Variants in ZDHHC13 observed in about 807,000 individuals in gnomAD.
ZDHHC13 encodes the protein zDHHC palmitoyltransferase 13.
In ZDHHC13, 85 loss-of-function variants were observed where a neutral mutation model predicts 86.0. The observed-to-expected ratio is 0.99, with a 90% confidence interval of 0.83 to 1.18. The LOEUF is 1.18. ZDHHC13 is among the 50% of genes most tolerant of loss of function. The pLI, the probability that ZDHHC13 is intolerant of heterozygous loss-of-function variation, is 0.00. For synonymous variants in ZDHHC13, 263 were observed against 246.4 expected (o/e 1.07, Z -0.63); for missense variants, 711 against 730.2 (o/e 0.97, Z 0.30).
rs555820231 is a variant in ZDHHC13 at position 19,117,780 on chromosome 11, G to A, written c.27+504G>A. 2.0e-5 allele frequency: 3 copies of A among 153,792 alleles called. No homozygotes were observed. The highest frequency in any genetic ancestry group is 7.2e-5 in the African/African-American group (3 of 41,634). 9.5% of individuals were successfully genotyped at this position (153,792 alleles called of 1,614,324 possible). A position where few individuals can be genotyped will look rare whatever the true frequency, so the allele number is the denominator to read the frequency against. On this transcript the variant is annotated intron_variant, in intron 1 of 16. Transcript: ENST00000446113. The surrounding 1 kb of genome is among the most constrained non-coding windows in gnomAD (Gnocchi z 4.2). ...CTTGCTTACTCCTTGAAATAATTAA[G>A]GCTGCTTGTTTAGGATGGAGGAAAG...
At chr11:19,132,584 C>T (rs1437113217) in intron 1 of ZDHHC13, among the ~76,000 whole-genome samples, 2 of 152,106 alleles carry the variant, frequency 1.3e-5, no homozygotes, top group African/African-American at 2.4e-5. Context: ...CTGGTTGGCT[C>T]ACTTCTCTCT....
intron 1 of ZDHHC13, among the ~76,000 whole-genome samples, chr11:19,136,527 A>C (rs947414358): frequency 1.3e-5 from 2 of 152,260 alleles, no homozygotes; most frequent in African/African-American, 4.8e-5. Context: ...GAACTTCCCC[A>C]ATGTAGCAAG....
chr11:19,140,564 G>A (rs985501154), intron 1 of ZDHHC13, among the ~76,000 whole-genome samples: 1 of 152,100 alleles, frequency 6.6e-6, no homozygotes, highest in African/African-American at 2.4e-5. Context: ...TCCCATTACT[G>A]GGTATATGCC....
intron 4 of ZDHHC13, 97 bp downstream of exon 4, chr11:19,147,770 C>A: frequency 1.1e-4 from 53 of 462,806 alleles, no homozygotes; most frequent in Non-Finnish European, 1.6e-4. Flanking sequence ...GCTGTCTTTT[C>A]TTCCCCCCCC....
chr11:19,130,949 G>T (rs1158656176), intron 1 of ZDHHC13, among the ~76,000 whole-genome samples: 1 of 151,164 alleles, frequency 6.6e-6, no homozygotes, highest in Admixed American at 6.6e-5. Flanking sequence ...GGGCCCAAGT[G>T]ATTCTTCTGC....
intron 13 of ZDHHC13, among the ~76,000 whole-genome samples, chr11:19,165,471 G>C (rs1850037744): frequency 6.6e-6 from 1 of 152,190 alleles, no homozygotes; most frequent in Non-Finnish European, 1.5e-5. Flanking sequence ...TGATTCCAAT[G>C]GGTGTTGTTC....
Position 19,170,400 on chromosome 11 carries a change from TGA to T in ZDHHC13, c.1475-10_1475-9del. ...CTTTTTTTTTTTTTTTTTTTTTTGG[TGA>T]ATTCACAGATTTGTCCAGTCATTGT... is the stretch of plus-strand genomic sequence containing the variant. On this transcript the variant is annotated splice_polypyrimidine_tract_variant and intron_variant, in intron 14 of 16. Transcript: ENST00000446113. The T allele has an allele frequency of 1.4e-6, 2 of 1,423,284 alleles. No homozygotes were observed. Among genetic ancestry groups the T allele is most frequent in the South Asian group, 1.4e-5 (1 of 73,266 alleles). 88.2% of individuals were successfully genotyped at this position (1,423,284 alleles called of 1,614,324 possible).
In ZDHHC13 at chr11:19,166,302, G is replaced by A; in HGVS notation, c.1391G>A (p.Gly464Asp). 6.2e-7 allele frequency: 1 copy of A among 1,607,184 alleles called. No individual in the cohort carries two copies. The highest frequency in any genetic ancestry group is 8.5e-7 in the Non-Finnish European group (1 of 1,178,088). ...QHCLWTGRCI[G>D]FGNHHYYIFF... ...TATGTTTTTTTTCTTTTTTCTTGAG[G>A]TTTTGGCAACCATCACTATTACATA... Residue 464 changes from glycine to aspartate, a missense_variant and splice_region_variant, in exon 14 of 17, where the codon GGT (glycine) becomes GAT (aspartate). Coordinates refer to ENST00000446113, the MANE Select transcript of ZDHHC13 (RefSeq NM_019028.3).
Position 19,143,018 on chromosome 11 carries a change from G to T in ZDHHC13, c.68G>T (p.Gly23Val). ...CATGGCCCCCACCCTCCAGGATTTG[G>T]TCGATATGGCATCTGTGCACATGAA... ...HSHGPHPPGF[G>V]RYGICAHENK... Residue 23 changes from glycine to valine, a missense_variant, in exon 2 of 17, where the codon GGT becomes GTT. By Grantham distance (109) the Gly-to-Val change is moderately radical. Transcript: ENST00000446113. 4 of 1,611,936 alleles carry T rather than the reference G, an allele frequency of 2.5e-6. No individual in the cohort carries two copies. The Admixed American group carries it at 5.0e-5, about 20-fold the overall frequency.
chr11:19,141,443 G>C (rs1849317398), intron 1 of ZDHHC13, among the ~76,000 whole-genome samples: 1 of 152,238 alleles, frequency 6.6e-6, no homozygotes, highest in Non-Finnish European at 1.5e-5. Flanking sequence ...GTATTAAAGT[G>C]ATTTAGTGAG....
intron 6 of ZDHHC13, 53 bp from the exon 7 acceptor site, chr11:19,152,105 C>A: frequency 6.4e-7 from 1 of 1,572,692 alleles, no homozygotes. Flanking sequence ...GCATTTACTC[C>A]TTAAGTCATC....
rs150193111 is a variant in ZDHHC13 at position 19,154,222 on chromosome 11, A to AAT, written c.873+1540_873+1541dup. Among the ~76,000 whole-genome samples, 1,042 of 152,308 alleles carry AAT rather than the reference A, an allele frequency of 6.8e-3. 9 individuals are homozygous for AAT. The highest frequency in any genetic ancestry group is 0.024 in the African/African-American group (983 of 41,562). On this transcript the variant is annotated intron_variant, in intron 8 of 16. Coordinates refer to ENST00000446113, the MANE Select transcript of ZDHHC13 (RefSeq NM_019028.3). ...TCATTGATGTGTCCCAAGTGCCTAG[A>AAT]ATAGTACCTTGCATATAATATGCCC...
At chr11:19,133,834 G>A (rs1308146340) in intron 1 of ZDHHC13, among the ~76,000 whole-genome samples, 1 of 150,358 alleles carries the variant, frequency 6.7e-6, no homozygotes, top group East Asian at 1.9e-4. Context: ...CTTCTAAGGT[G>A]CTGGCTCAGT....
chr11:19,117,409 G>A lies in ZDHHC13; in HGVS notation c.27+133G>A. ...CGGCGGGGCCTAGGTCTGGGAAGCG[G>A]GAGCCTGGAAACACCACGAACGATG... On this transcript the variant is annotated intron_variant, in intron 1 of 16. Transcript: ENST00000446113. The surrounding 1 kb of genome is among the most constrained non-coding windows in gnomAD (Gnocchi z 4.2). The A allele has an allele frequency of 1.1e-6, 1 of 951,898 alleles. No individual in the cohort carries two copies. The highest frequency in any genetic ancestry group is 1.5e-6 in the Non-Finnish European group (1 of 684,280). The allele number at this position is 951,898 out of a possible 1,614,324, so 59.0% of individuals were successfully genotyped here.
chr11:19,128,288 A>G (rs1848919461), intron 1 of ZDHHC13, among the ~76,000 whole-genome samples: 1 of 151,970 alleles, frequency 6.6e-6, no homozygotes, highest in East Asian at 1.9e-4. Flanking sequence ...CGATTTTTGT[A>G]TGTTGATTTT....
In ZDHHC13 at chr11:19,157,107, A is replaced by G. The variant is rs1173504888; in HGVS notation, c.1007+1178A>G. On this transcript the variant is annotated intron_variant, in intron 9 of 16. Transcript: ENST00000446113. ...ACACCTTATCTTTTCATAGTTGGAT[A>G]TGTCATTCAGGCCTCAGTTCAGCTG... Among the ~76,000 whole-genome samples the G allele has an allele frequency of 3.9e-5, 6 of 152,324 alleles. No homozygotes were observed. In the East Asian group the frequency reaches 1.2e-3, roughly 29 times the overall value.
chr11:19,171,730 G>A (rs965153972), intron 15 of ZDHHC13, among the ~76,000 whole-genome samples: 15 of 152,100 alleles, frequency 9.9e-5, no homozygotes, highest in African/African-American at 3.6e-4. Context: ...AAGTATATGA[G>A]ATGATAATAT....
In ZDHHC13 at chr11:19,128,438, A is replaced by C. The variant is rs552378573; in HGVS notation, c.27+11162A>C. 3.9e-5 allele frequency among the ~76,000 whole-genome samples: 6 copies of C among 152,172 alleles called. No homozygotes were observed. In the East Asian group the frequency reaches 9.7e-4, roughly 25 times the overall value. Reference sequence around the variant, plus strand: ...CTCTCTTCCTATTTGGATGCCCTTTATTTCTTTCTCTTGCCTGATTGTTCT... The same window carrying C: ...CTCTCTTCCTATTTGGATGCCCTTTCTTTCTTTCTCTTGCCTGATTGTTCT... On this transcript the variant is annotated intron_variant, in intron 1 of 16. Transcript: ENST00000446113.
At chr11:19,134,523 A>G (rs1849079655) in intron 1 of ZDHHC13, among the ~76,000 whole-genome samples, 1 of 152,234 alleles carries the variant, frequency 6.6e-6, no homozygotes, top group Non-Finnish European at 1.5e-5. Flanking sequence ...AATGCTATGC[A>G]GCCATAAAAA....
Sources: allele counts gnomAD v4.1 joint callset (sites outside exome capture counted in the v4.1 genomes callset), GRCh38; gene constraint gnomAD v4.1.1; non-coding constraint Gnocchi (gnomAD v3.1); transcripts MANE v1.5; gene names NCBI Gene and HGNC (gene_info 2026-07-23, HGNC 2026-07-21).